The following PTPRH variants were observed in gnomAD, a reference collection of about 807,000 sequenced individuals.
PTPRH encodes protein tyrosine phosphatase receptor type H.
PTPRH carries 113 observed loss-of-function variants against 130.2 expected under a neutral mutation model. That is an observed-to-expected ratio of 0.87 (90% CI 0.75 to 1.01). The LOEUF (loss-of-function observed/expected upper bound fraction) is 1.01. Ranked by LOEUF, PTPRH falls within the 50% of genes least tolerant of loss-of-function variation. The probability of loss-of-function intolerance (pLI) is 0.00; values close to 1 mark genes in which losing one functional copy is unlikely to be tolerated. For synonymous variants in PTPRH, 556 were observed against 577.9 expected (o/e 0.96, Z 0.54); for missense variants, 1,430 against 1,425.0 (o/e 1.00, Z -0.06).
chr19:55,187,358 AAAGAAAAAAAG>A (rs2147400847), intron 14 of PTPRH, among the ~76,000 whole-genome samples, 144 bp downstream of exon 14: 2 of 111,708 alleles, frequency 1.8e-5, no homozygotes, highest in Non-Finnish European at 3.5e-5. Context: ...AAAAAAAAAA[AAAGAAAAAAAG>A]AAAAAAAAAA....
intron 1 of PTPRH, among the ~76,000 whole-genome samples, chr19:55,207,633 T>C (rs1375915824): frequency 7.9e-6 from 1 of 126,710 alleles, no homozygotes. Context: ...GACCTCTGGT[T>C]TGAGGGAGGA....
rs61734204 is a variant in PTPRH at position 55,191,726 on chromosome 19, G to A, written c.2273C>T (p.Ala758Val). The A allele has an allele frequency of 1.9e-6, 3 of 1,613,944 alleles. No individual in the cohort carries two copies. The highest frequency in any genetic ancestry group is 2.5e-6 in the Non-Finnish European group (3 of 1,179,944). ...GAGAAACAGGAGGATGCCCACAAAG[G>A]CTCCGGCAATGACCCCTGTGGGGAG... is the stretch of plus-strand genomic sequence containing the variant. ...HTESAGVIAG[A>V]FVGILLFLIL... Residue 758 changes from alanine (A) to valine (V), a missense_variant, in exon 11 of 20, where the codon GCC becomes GTC. Transcript: ENST00000376350.
In PTPRH at chr19:55,202,168, T is replaced by C. The variant is rs764386034; in HGVS notation, c.1041A>G (p.Ala347=). The change falls in exon 6 of 20, where the codon GCA becomes GCG. Residue 347 remains alanine (A), a synonymous_variant. Coordinates refer to ENST00000376350, the MANE Select transcript of PTPRH (RefSeq NM_002842.5). ...GTCTATCCACGGTGATGTTGGTGTG[T>C]GCTGTGCTTCGAGTCCCTGCTCTGC... is the stretch of plus-strand genomic sequence containing the variant. ...DGGRAGTRST[A]HTNITVDRLE... 2.5e-6 allele frequency: 4 copies of C among 1,614,074 alleles called. No homozygotes were observed. Among genetic ancestry groups the C allele is most frequent in the Non-Finnish European group, 3.4e-6 (4 of 1,180,038 alleles).
intron 18 of PTPRH, among the ~76,000 whole-genome samples, chr19:55,184,527 G>A (rs976254312): frequency 1.3e-5 from 2 of 152,010 alleles, no homozygotes; most frequent in South Asian, 2.1e-4. Context: ...GGTGGCTCAC[G>A]CCTGTCATCT....
chr19:55,201,907 C>T, intron 6 of PTPRH, 149 bp downstream of exon 6: 1 of 1,249,294 alleles, frequency 8.0e-7, no homozygotes, highest in Non-Finnish European at 1.1e-6. Flanking sequence ...CCTTCTTCAT[C>T]TCCTGAGCTG....
intron 18 of PTPRH, among the ~76,000 whole-genome samples, chr19:55,183,328 C>T (rs952661562): frequency 7.9e-5 from 12 of 151,108 alleles, no homozygotes; most frequent in South Asian, 2.1e-4. Flanking sequence ...CACTTGAACC[C>T]GGGAGGCGGA....
In PTPRH at chr19:55,185,934, C is replaced by G; in HGVS notation, c.2829G>C (p.Gly943=). 6 of 1,614,104 alleles carry G rather than the reference C, an allele frequency of 3.7e-6. No homozygotes were observed. The highest frequency in any genetic ancestry group is 1.6e-4 in the Middle Eastern group (1 of 6,062). ...WPLDSQPCTH[G]HLRVTLVGEE... ...CACCTACCAGGGTTACCCGCAGGTG[C>G]CCATGGGTGCAGGGCTGCGAGTCCA... The change falls in exon 17 of 20, where the codon GGG becomes GGC. Residue 943 remains glycine, a synonymous_variant. Coordinates refer to ENST00000376350, the MANE Select transcript of PTPRH (RefSeq NM_002842.5).
intron 5 of PTPRH, among the ~76,000 whole-genome samples, chr19:55,203,190 G>A (rs1391439677): frequency 2.6e-5 from 4 of 151,598 alleles, no homozygotes; most frequent in South Asian, 2.1e-4. Flanking sequence ...AGCCAGGTGT[G>A]GCGGTGTGCG....
At chr19:55,204,483 G>C (rs1233647525) in intron 4 of PTPRH, among the ~76,000 whole-genome samples, 1 of 152,164 alleles carries the variant, frequency 6.6e-6, no homozygotes, top group African/African-American at 2.4e-5. Context: ...TTATGGTCTA[G>C]ACCAGGGCTT....
At chr19:55,182,362 A>T (rs2086202512) in intron 18 of PTPRH, among the ~76,000 whole-genome samples, 1 of 152,206 alleles carries the variant, frequency 6.6e-6, no homozygotes, top group Admixed American at 6.5e-5. Flanking sequence ...CGTCTCTTCT[A>T]AAAATGCAAA....
In PTPRH at chr19:55,196,879, T is replaced by C. The variant is rs1033108458; in HGVS notation, c.1991-91A>G. On this transcript the variant is annotated intron_variant, in intron 9 of 19. Coordinates refer to ENST00000376350, the MANE Select transcript of PTPRH (RefSeq NM_002842.5). ...CCCCCAGTTTTCTGAGACGAGCCCA[T>C]CCCTTCCTCGCCAAATCCAAACTAC... 6 of 1,475,218 alleles carry C rather than the reference T, an allele frequency of 4.1e-6. No individual in the cohort carries two copies. The African/African-American group carries it at 8.4e-5, about 21-fold the overall frequency. 91.4% of individuals were successfully genotyped at this position (1,475,218 alleles called of 1,614,324 possible).
intron 10 of PTPRH, 38 bp from the exon 11 acceptor site, chr19:55,191,779 GTCTGAGCTGCTCA>G: frequency 6.6e-7 from 1 of 1,524,136 alleles, no homozygotes; most frequent in Non-Finnish European, 9.1e-7. Context: ...CAGAGCGCAG[GTCTGAGCTGCTCA>G]TCTGTCTCCA....
intron 10 of PTPRH, chr19:55,192,075 AT>A (rs532701579): frequency 9.2e-6 from 4 of 432,762 alleles, no homozygotes; most frequent in Admixed American, 5.6e-5. Flanking sequence ...TCTTAGTAAC[AT>A]TTTTTTCTTT....
intron 12 of PTPRH, 82 bp downstream of exon 12, chr19:55,191,419 C>T: frequency 2.0e-6 from 3 of 1,512,194 alleles, no homozygotes; most frequent in South Asian, 1.1e-5. Flanking sequence ...ATTGATCCAC[C>T]CTCTGACCTA....
rs538414398 is a variant in PTPRH at position 55,193,269 on chromosome 19, G to C, written c.2258-1528C>G. Among the ~76,000 whole-genome samples the C allele has an allele frequency of 4.0e-5, 6 of 150,098 alleles. No individual in the cohort carries two copies. The South Asian group carries it at 1.3e-3, about 32-fold the overall frequency. On this transcript the variant is annotated intron_variant, in intron 10 of 19. Transcript: ENST00000376350. Reference sequence around the variant, plus strand: ...AAAAGAAAGCAAAACAAAACAAAAAGAACCCCAACAAAATAGCTGGGCATG... The same window carrying C: ...AAAAGAAAGCAAAACAAAACAAAAACAACCCCAACAAAATAGCTGGGCATG...
intron 4 of PTPRH, among the ~76,000 whole-genome samples, chr19:55,204,796 A>C (rs112492861): frequency 0.012 from 1,775 of 152,314 alleles, 32 homozygotes; most frequent in African/African-American, 0.04. Context: ...GCCCTTCAAC[A>C]GGGCTTTCAA....
chr19:55,206,831 G>T lies in PTPRH; in HGVS notation c.210C>A (p.Asp70Glu), dbSNP rs568536414. The T allele has an allele frequency of 8.1e-6, 13 of 1,614,120 alleles. No homozygotes were observed. Among genetic ancestry groups the T allele is most frequent in the South Asian group, 1.1e-5 (1 of 91,070 alleles). ...TGTTTCGAGTCTCTGTTGTGCCGCC[G>T]TCTCCAGTACACTGAACCCAGTAGT... ...NSNYWVQCTG[D>E]GGTTETRNTT... The change falls in exon 3 of 20, where the codon GAC becomes GAA. Residue 70 changes from aspartate to glutamate, a missense_variant. Coordinates refer to ENST00000376350, the MANE Select transcript of PTPRH (RefSeq NM_002842.5).
chr19:55,196,653 C>G lies in PTPRH; in HGVS notation c.2126G>C (p.Arg709Thr). The change falls in exon 10 of 20, where the codon AGA becomes ACA. Residue 709 changes from arginine to threonine, a missense_variant. Arg to Thr is a moderately conservative substitution (Grantham distance 71). Coordinates refer to ENST00000376350, the MANE Select transcript of PTPRH (RefSeq NM_002842.5). ...AGACACAGCCTCCCCACATGAAGAT[C>G]TGTCCTGGGAGCCCCGCTGTCCTCC... ...EVGGQRGSQD[R>T]SSCGEAVSVL... 1 of 1,614,106 alleles carries G rather than the reference C, an allele frequency of 6.2e-7. No individual in the cohort carries two copies. Among genetic ancestry groups the G allele is most frequent in the Non-Finnish European group, 8.5e-7 (1 of 1,180,024 alleles).
intron 10 of PTPRH, among the ~76,000 whole-genome samples, chr19:55,195,495 CAAAACA>C (rs1247061547): frequency 7.2e-5 from 11 of 151,996 alleles, no homozygotes; most frequent in African/African-American, 2.7e-4. Context: ...GAGTGAGTCT[CAAAACA>C]AAAACAAAAA....
Sources: gnomAD v4.1 joint callset for allele counts (sites outside exome capture counted in the v4.1 genomes callset) on GRCh38, gnomAD v4.1.1 for gene constraint, MANE v1.5 for transcripts, NCBI Gene and HGNC (gene_info 2026-07-23, HGNC 2026-07-21) for gene names.